DPYD: variants seen among roughly 807,000 people sequenced by gnomAD.
The protein encoded by DPYD is dihydropyrimidine dehydrogenase [NADP(+)].
A neutral mutation model predicts 116.2 loss-of-function variants in DPYD; 109 were observed. The observed-to-expected ratio is 0.94, with a 90% CI of 0.80 to 1.10. The LOEUF (loss-of-function observed/expected upper bound fraction) is 1.10, where lower values mean the gene tolerates loss of function less well. Ranked by LOEUF, DPYD falls within the 50% of genes least tolerant of loss-of-function variation. DPYD has a pLI of 0.00. For missense variants in DPYD, 1,302 were observed against 1,254.5 expected (o/e 1.04, Z -0.57); for synonymous variants, 440 against 432.0 (o/e 1.02, Z -0.23).
intron 2 of DPYD, among the ~76,000 whole-genome samples, chr1:97,840,926 T>A (rs1294795704): frequency 6.6e-6 from 1 of 152,132 alleles, no homozygotes; most frequent in Non-Finnish European, 1.5e-5. Flanking sequence ...AGTTTGCTCT[T>A]CTGACCTTCA....
chr1:97,407,469 G>A (rs755728222), intron 14 of DPYD, among the ~76,000 whole-genome samples: 6 of 152,198 alleles, frequency 3.9e-5, no homozygotes, highest in Admixed American at 3.3e-4. Context: ...CTTAGGCAAC[G>A]GATGGCAAAC....
intron 13 of DPYD, among the ~76,000 whole-genome samples, chr1:97,493,591 G>A (rs1000242156): frequency 1.3e-5 from 2 of 151,980 alleles, no homozygotes; most frequent in African/African-American, 4.8e-5. Context: ...ATGATTCATG[G>A]GATGTAAAAC....
At chr1:97,799,540 A>G (rs1667749404) in intron 3 of DPYD, among the ~76,000 whole-genome samples, 1 of 151,984 alleles carries the variant, frequency 6.6e-6, no homozygotes, top group Non-Finnish European at 1.5e-5. Context: ...GTGATCTATC[A>G]TAACCTGAAA....
intron 2 of DPYD, among the ~76,000 whole-genome samples, chr1:97,852,760 T>A (rs1204870971): frequency 1.3e-5 from 2 of 152,186 alleles, no homozygotes; most frequent in Non-Finnish European, 1.5e-5. Context: ...CAACAACATA[T>A]TTATAATGAT....
chr1:97,421,072 C>T (rs1674555277), intron 14 of DPYD, among the ~76,000 whole-genome samples: 1 of 152,096 alleles, frequency 6.6e-6, no homozygotes, highest in Admixed American at 6.6e-5. Flanking sequence ...TGTCTTACGG[C>T]CTATATATTA....
intron 3 of DPYD, among the ~76,000 whole-genome samples, chr1:97,789,697 A>G (rs1050982598): frequency 7.9e-5 from 12 of 152,092 alleles, no homozygotes; most frequent in African/African-American, 2.9e-4. Flanking sequence ...TTGCTACTTC[A>G]TAATTTTCTC....
At chr1:97,485,620 A>C (rs967028179) in intron 13 of DPYD, among the ~76,000 whole-genome samples, 2 of 146,068 alleles carry the variant, frequency 1.4e-5, no homozygotes, top group Admixed American at 1.4e-4. Context: ...TAATCAATTC[A>C]TTGAATTTTT....
chr1:97,485,132 C>G (rs914813577), intron 13 of DPYD, among the ~76,000 whole-genome samples: 4 of 152,116 alleles, frequency 2.6e-5, no homozygotes, highest in Non-Finnish European at 4.4e-5. Context: ...TCTGGACAGT[C>G]TCAGCTAACT....
chr1:97,798,353 A>AGCTGGGCT (rs558697473), intron 3 of DPYD, among the ~76,000 whole-genome samples: 4,349 of 152,076 alleles, frequency 0.029, 203 homozygotes, highest in African/African-American at 0.095. Flanking sequence ...AATAACCACA[A>AGCTGGGCT]ATATAAACAT....
chr1:97,109,000 T>C (rs1040618576), intron 20 of DPYD, among the ~76,000 whole-genome samples: 1 of 152,132 alleles, frequency 6.6e-6, no homozygotes, highest in Non-Finnish European at 1.5e-5. Context: ...TCATTGATCT[T>C]AGAACGCAGA....
intron 13 of DPYD, among the ~76,000 whole-genome samples, chr1:97,480,992 A>T (rs924493151): frequency 3.3e-5 from 5 of 152,174 alleles, no homozygotes; most frequent in African/African-American, 1.2e-4. Context: ...AAAAAACAAA[A>T]AGAAAAAAAA....
intron 18 of DPYD, among the ~76,000 whole-genome samples, chr1:97,298,505 A>C (rs1666666662): frequency 6.6e-6 from 1 of 152,190 alleles, no homozygotes; most frequent in South Asian, 2.1e-4. Context: ...GATCCATAAA[A>C]GACTCATAAA....
At position 97,121,437 on chromosome 1, in the gene DPYD, A is replaced by G. The variant is rs1044803227; in HGVS notation, c.2623-22805T>C. On this transcript the variant is annotated intron_variant, in intron 20 of 22. Coordinates refer to ENST00000370192, the MANE Select transcript of DPYD (RefSeq NM_000110.4). The stretch of plus-strand genomic sequence containing the variant: ...TATTTTATTATCTATCCCCATTCCA[A>G]TGATATGTAAGTATACTGCTGTTTA... 9.9e-5 allele frequency among the ~76,000 whole-genome samples: 15 copies of G among 152,136 alleles called. No homozygotes were observed. In the East Asian group the frequency reaches 1.9e-3, roughly 20 times the overall value.
intron 18 of DPYD, among the ~76,000 whole-genome samples, chr1:97,255,531 T>G (rs1158615431): frequency 6.6e-6 from 1 of 152,134 alleles, no homozygotes; most frequent in Non-Finnish European, 1.5e-5. Context: ...CTGCCATTCA[T>G]GTAAGTTGTG....
intron 6 of DPYD, among the ~76,000 whole-genome samples, chr1:97,696,131 A>C (rs971518595): frequency 2.0e-5 from 3 of 151,608 alleles, no homozygotes; most frequent in Non-Finnish European, 4.4e-5. Flanking sequence ...CTCTTTCAAA[A>C]AAAAAAGAAA....
chr1:97,529,782 TCTTTTTC>T (rs1557776037), intron 12 of DPYD, among the ~76,000 whole-genome samples: 1 of 148,084 alleles, frequency 6.8e-6, no homozygotes, highest in African/African-American at 2.6e-5. Flanking sequence ...TCTTTCTTTC[TCTTTTTC>T]TTTTTTCCCT....
chr1:97,606,112 G>A (rs1417157907), intron 8 of DPYD, among the ~76,000 whole-genome samples: 1 of 151,848 alleles, frequency 6.6e-6, no homozygotes, highest in Non-Finnish European at 1.5e-5. Context: ...TTTTGGATCT[G>A]GAAACCAGCT....
At position 97,566,216 on chromosome 1, in the gene DPYD, C is replaced by A. The variant is rs184138241; in HGVS notation, c.1339+7544G>T. Among the ~76,000 whole-genome samples the A allele has an allele frequency of 3.3e-5, 5 of 152,224 alleles. No individual in the cohort carries two copies. In the East Asian group the frequency reaches 9.6e-4, roughly 29 times the overall value. On this transcript the variant is annotated intron_variant, in intron 11 of 22. Transcript: ENST00000370192. ...ACAATTTATTGTAATTCTGAGCCTC[C>A]CCTGTTAAAATGTGCATTCTTGGAG...
intron 16 of DPYD, among the ~76,000 whole-genome samples, chr1:97,362,163 GACAA>G (rs939755112): frequency 7.9e-5 from 12 of 152,124 alleles, no homozygotes; most frequent in African/African-American, 2.9e-4. Context: ...ACCAATAACG[GACAA>G]ACAGAGAGCC....
Sources: allele counts gnomAD v4.1 joint callset (sites outside exome capture counted in the v4.1 genomes callset), GRCh38; gene constraint gnomAD v4.1.1; transcripts MANE v1.5; gene names NCBI Gene and HGNC (gene_info 2026-07-23, HGNC 2026-07-21).